Variants in PPP1R12B observed in about 807,000 individuals in gnomAD.
PPP1R12B encodes the protein protein phosphatase 1 regulatory subunit 12B.
A neutral mutation model predicts 126.1 loss-of-function variants in PPP1R12B; 76 were observed. That is an observed-to-expected ratio of 0.60 (90% CI 0.50 to 0.73). PPP1R12B has a LOEUF of 0.73. Ranked by LOEUF, PPP1R12B falls within the 30% of genes least tolerant of loss-of-function variation. PPP1R12B has a pLI of 0.00. For missense variants in PPP1R12B, 1,052 were observed against 1,205.1 expected (o/e 0.87, Z 1.88); for synonymous variants, 356 against 434.7 (o/e 0.82, Z 2.25).
chr1:202,519,575 A>G lies in PPP1R12B; in HGVS notation c.2490+22753A>G, dbSNP rs753430890. Among the ~76,000 whole-genome samples the G allele has an allele frequency of 7.2e-5, 11 of 152,134 alleles. 1 individual carries two copies. Among genetic ancestry groups the G allele is most frequent in the Non-Finnish European group, 1.5e-4 (10 of 68,008 alleles). On this transcript the variant is annotated intron_variant, in intron 18 of 23. Coordinates refer to ENST00000608999, the MANE Select transcript of PPP1R12B (RefSeq NM_002481.4). Reference sequence around the variant, plus strand: ...GCGTGAACCACTGTGCCTGGCCTCAATTTAAAAATTATTAATCCACTCTTA... The same window carrying G: ...GCGTGAACCACTGTGCCTGGCCTCAGTTTAAAAATTATTAATCCACTCTTA...
chr1:202,449,490 A>T lies in PPP1R12B; in HGVS notation c.1850+319A>T, dbSNP rs1049729740. On this transcript the variant is annotated intron_variant, in intron 13 of 23. Coordinates refer to ENST00000608999, the MANE Select transcript of PPP1R12B (RefSeq NM_002481.4). ...ACGGGGTTTCACCATGTTAGCCAGG[A>T]TGGTCTCGATCTCCTGACCTCATGA... 1.1e-4 allele frequency among the ~76,000 whole-genome samples: 16 copies of T among 151,562 alleles called. No individual in the cohort carries two copies. In the East Asian group the frequency reaches 2.2e-3, roughly 21 times the overall value.
intron 15 of PPP1R12B, 75 bp downstream of exon 15, chr1:202,493,392 A>G (rs1679148279): frequency 2.8e-6 from 4 of 1,440,952 alleles, no homozygotes; most frequent in South Asian, 2.6e-5. Flanking sequence ...CTTCACTGGT[A>G]GTTCAAAGGC....
At chr1:202,485,520 C>A (rs1404827756) in intron 13 of PPP1R12B, among the ~76,000 whole-genome samples, 2 of 152,094 alleles carry the variant, frequency 1.3e-5, no homozygotes, top group African/African-American at 2.4e-5. Flanking sequence ...GAGGGACTCT[C>A]CTATAGCAAG....
At chr1:202,488,740 C>A (rs1678475505) in intron 14 of PPP1R12B, 117 bp downstream of exon 14, 2 of 958,986 alleles carry the variant, frequency 2.1e-6, no homozygotes, top group Admixed American at 4.6e-5. Context: ...CACACACACA[C>A]ACGCTCACGG....
At chr1:202,387,827 G>A (rs542000561) in intron 1 of PPP1R12B, among the ~76,000 whole-genome samples, 1 of 152,190 alleles carries the variant, frequency 6.6e-6, no homozygotes, top group Non-Finnish European at 1.5e-5. Context: ...CTGAATAGCA[G>A]ATTTGGGAAG....
chr1:202,426,212 A>G (rs1669482649), intron 4 of PPP1R12B, among the ~76,000 whole-genome samples: 1 of 152,216 alleles, frequency 6.6e-6, no homozygotes, highest in Non-Finnish European at 1.5e-5. Context: ...ACATCCATAC[A>G]TGCTTCTTGT....
At chr1:202,387,428 A>T (rs1239197824) in intron 1 of PPP1R12B, among the ~76,000 whole-genome samples, 1 of 152,208 alleles carries the variant, frequency 6.6e-6, no homozygotes, top group Non-Finnish European at 1.5e-5. Flanking sequence ...TGAAAGCCTA[A>T]GGAGTGAGGT....
intron 1 of PPP1R12B, among the ~76,000 whole-genome samples, chr1:202,381,313 G>A (rs184005223): frequency 6.6e-6 from 1 of 152,024 alleles, no homozygotes; most frequent in East Asian, 1.9e-4. Context: ...GAAAAAAAAG[G>A]ACCTTTTGGT....
At position 202,471,982 on chromosome 1, in the gene PPP1R12B, C is replaced by A. The variant is rs1378836542; in HGVS notation, c.1851-16551C>A. 19 of 1,596,394 alleles carry A rather than the reference C, an allele frequency of 1.2e-5. No individual in the cohort carries two copies. The Admixed American group carries it at 3.0e-4, about 25-fold the overall frequency. On this transcript the variant is annotated intron_variant, in intron 13 of 23. Transcript: ENST00000608999. ...ACTACCGTTTGTGCATGGCTAAAGA[C>A]CGTGGTGATTTTATAGCATCCTGGG... is the stretch of plus-strand genomic sequence containing the variant.
intron 13 of PPP1R12B, among the ~76,000 whole-genome samples, chr1:202,455,419 G>C (rs375203373): frequency 2.0e-5 from 3 of 151,946 alleles, no homozygotes; most frequent in Non-Finnish European, 4.4e-5. Context: ...TCTACTTTTT[G>C]TCTATAGATT....
intron 23 of PPP1R12B, among the ~76,000 whole-genome samples, chr1:202,577,711 C>G (rs989612829): frequency 1.3e-5 from 2 of 152,186 alleles, no homozygotes; most frequent in African/African-American, 4.8e-5. Context: ...AAGACTCATC[C>G]TGAGTCCCTC....
chr1:202,487,167 G>A (rs1678252378), intron 13 of PPP1R12B, among the ~76,000 whole-genome samples: 1 of 151,916 alleles, frequency 6.6e-6, no homozygotes, highest in African/African-American at 2.4e-5. Flanking sequence ...TCACCTTCCT[G>A]ACAGAAAAAA....
chr1:202,438,088 T>C (rs1671069824), intron 10 of PPP1R12B, 64 bp downstream of exon 10: 1 of 1,602,072 alleles, frequency 6.2e-7, no homozygotes, highest in African/African-American at 1.3e-5. Flanking sequence ...AAATTCAATC[T>C]TAGGAACAAA....
intron 23 of PPP1R12B, chr1:202,577,179 GTACATGACCATAGCAAGGGT>G (rs771238395): frequency 3.3e-5 from 5 of 152,128 alleles, no homozygotes; most frequent in Non-Finnish European, 7.3e-5. Flanking sequence ...CCATTGCCTG[GTACATGACCATAGCAAGGGT>G]TAGCAAACTG....
At chr1:202,510,508 T>G (rs1681327865) in intron 18 of PPP1R12B, among the ~76,000 whole-genome samples, 4 of 152,182 alleles carry the variant, frequency 2.6e-5, no homozygotes, top group Non-Finnish European at 4.4e-5. Context: ...ACATCCCAGG[T>G]AGGCCAATCA....
rs117291227 is a variant in PPP1R12B at position 202,393,255 on chromosome 1, A to G, written c.292-23532A>G. Among the ~76,000 whole-genome samples the G allele has an allele frequency of 5.9e-5, 9 of 152,246 alleles. No individual in the cohort carries two copies. The East Asian group carries it at 1.7e-3, about 29-fold the overall frequency. On this transcript the variant is annotated intron_variant, in intron 1 of 23. Coordinates refer to ENST00000608999, the MANE Select transcript of PPP1R12B (RefSeq NM_002481.4). ...GAGCCACTGTGTCCAGCCTGAAATT[A>G]TATACTTTAAATGGACCAATTGTAT...
In PPP1R12B at chr1:202,562,942, T is replaced by C. The variant is rs760780494; in HGVS notation, c.2652+20T>C. Reference sequence around the variant, plus strand: ...AAAAAAGTAGGGTCTTTATTCAATTTTCCGGTTCTTTGGTGACATGTAAAC... The same window carrying C: ...AAAAAAGTAGGGTCTTTATTCAATTCTCCGGTTCTTTGGTGACATGTAAAC... On this transcript the variant is annotated intron_variant, in intron 20 of 23. Coordinates refer to ENST00000608999, the MANE Select transcript of PPP1R12B (RefSeq NM_002481.4). The C allele has an allele frequency of 5.2e-6, 8 of 1,537,462 alleles. No individual in the cohort carries two copies. Among genetic ancestry groups the C allele is most frequent in the African/African-American group, 2.8e-5 (2 of 71,864 alleles).
In PPP1R12B at chr1:202,508,322, CTT is replaced by C. The variant is rs1681052210; in HGVS notation, c.2490+11501_2490+11502del. Among the ~76,000 whole-genome samples the C allele has an allele frequency of 6.6e-6, 1 of 152,178 alleles. No individual in the cohort carries two copies. Among genetic ancestry groups the C allele is most frequent in the Non-Finnish European group, 1.5e-5 (1 of 68,034 alleles). ...ATAGAATATGTACTTTTAAGAAACTCTTAACTTTTTTATAGTTTAAATTTTTA... is the reference window on the plus strand; with the variant it reads ...ATAGAATATGTACTTTTAAGAAACTCAACTTTTTTATAGTTTAAATTTTTA... On this transcript the variant is annotated intron_variant, in intron 18 of 23. Transcript: ENST00000608999. This position sits in a 1 kb window ranked among gnomAD's most constrained non-coding sequence, Gnocchi z 4.5.
chr1:202,426,963 C>CA (rs1558210582), intron 4 of PPP1R12B, 77 bp from the exon 5 acceptor site: 1 of 1,533,508 alleles, frequency 6.5e-7, no homozygotes, highest in African/African-American at 1.4e-5. Context: ...TCTGAAATAT[C>CA]AATTAGGTAA....
Sources: allele counts gnomAD v4.1 joint callset (sites outside exome capture counted in the v4.1 genomes callset), GRCh38; gene constraint gnomAD v4.1.1; non-coding constraint Gnocchi (gnomAD v3.1); transcripts MANE v1.5; gene names NCBI Gene and HGNC (gene_info 2026-07-23, HGNC 2026-07-21).